CORO2A: variants seen among roughly 807,000 people sequenced by gnomAD.
The protein encoded by CORO2A is coronin-2A.
CORO2A carries 47 observed loss-of-function variants against 62.4 expected under a neutral mutation model. The observed-to-expected ratio is 0.75, with a 90% CI of 0.60 to 0.96. The LOEUF is 0.96. Ranked by LOEUF, CORO2A falls within the 40% of genes least tolerant of loss-of-function variation. The pLI, the probability that CORO2A is intolerant of heterozygous loss-of-function variation, is 0.00. For missense variants in CORO2A, 610 were observed against 684.1 expected, an observed-to-expected ratio of 0.89 and a Z score of 1.21; for synonymous variants, 273 against 268.9, an observed-to-expected ratio of 1.02 and a Z score of -0.15.
chr9:98,170,773 C>T (rs535893259), intron 1 of CORO2A, among the ~76,000 whole-genome samples: 20 of 152,200 alleles, frequency 1.3e-4, no homozygotes, highest in Non-Finnish European at 2.1e-4. Flanking sequence ...CAATTCGCTC[C>T]GTCACCTTGG....
At chr9:98,153,657 C>T (rs1588002815) in intron 2 of CORO2A, among the ~76,000 whole-genome samples, 1 of 147,424 alleles carries the variant, frequency 6.8e-6, no homozygotes, top group Non-Finnish European at 1.5e-5. Flanking sequence ...CAAACACACA[C>T]ACACACACAC....
intron 2 of CORO2A, among the ~76,000 whole-genome samples, chr9:98,152,376 A>G (rs1303035693): frequency 6.6e-6 from 1 of 151,408 alleles, no homozygotes; most frequent in Non-Finnish European, 1.5e-5. Flanking sequence ...AGCAGCCTTG[A>G]ACTCCTGGGC....
At chr9:98,156,150 T>C (rs138038622) in intron 2 of CORO2A, among the ~76,000 whole-genome samples, 90 of 150,568 alleles carry the variant, frequency 6.0e-4, no homozygotes, top group African/African-American at 1.9e-3. Context: ...TCAGGTAATC[T>C]GACCTCAGCC....
At chr9:98,177,445 G>A (rs998820738) in intron 1 of CORO2A, among the ~76,000 whole-genome samples, 6 of 148,306 alleles carry the variant, frequency 4.0e-5, no homozygotes, top group Non-Finnish European at 8.9e-5. Context: ...AGAGCAATGG[G>A]CTCCAAACTT....
Position 98,122,146 on chromosome 9 carries a change from G to A in CORO2A, c.*2628C>T, listed in dbSNP as rs1424105131. On this transcript the variant is annotated 3_prime_UTR_variant, in exon 12 of 12. Coordinates refer to ENST00000375077, the MANE Select transcript of CORO2A (RefSeq NM_052820.4). The stretch of plus-strand genomic sequence containing the variant: ...CTTCTGGACTTTTAAGGAGCCACCA[G>A]GCAGGACTTAAGAGATCTGGGTTGA... 1 of 152,162 alleles carries A rather than the reference G, an allele frequency of 6.6e-6. No individual in the cohort carries two copies. Among genetic ancestry groups the A allele is most frequent in the East Asian group, 1.9e-4 (1 of 5,194 alleles). 9.4% of individuals were successfully genotyped at this position (152,162 alleles called of 1,614,324 possible).
Position 98,124,661 on chromosome 9 carries a change from TG to T in CORO2A, c.*112del. On this transcript the variant is annotated 3_prime_UTR_variant, in exon 12 of 12. Coordinates refer to ENST00000375077, the MANE Select transcript of CORO2A (RefSeq NM_052820.4). ...TTCAGCGATGGAGAGTTTTGTTTTC[TG>T]GTAAAAAATATAGAAATAGTGGTTG... 8.8e-7 allele frequency: 1 copy of T among 1,134,934 alleles called. No individual in the cohort carries two copies. Among genetic ancestry groups the T allele is most frequent in the Non-Finnish European group, 1.2e-6 (1 of 858,382 alleles). The allele number at this position is 1,134,934 out of a possible 1,614,324, so 70.3% of individuals were successfully genotyped here.
chr9:98,126,439 C>T, intron 11 of CORO2A, 110 bp downstream of exon 11: 1 of 1,419,630 alleles, frequency 7.0e-7, no homozygotes, highest in South Asian at 1.3e-5. Flanking sequence ...CCAGGCCACA[C>T]AGCTGGTTAT....
At chr9:98,125,809 C>A (rs1827308832) in intron 11 of CORO2A, among the ~76,000 whole-genome samples, 1 of 148,942 alleles carries the variant, frequency 6.7e-6, no homozygotes, top group African/African-American at 2.5e-5. Flanking sequence ...CCTCTGCCTC[C>A]TGGGTTCAAG....
chr9:98,139,684 T>C (rs1361432088), intron 2 of CORO2A, among the ~76,000 whole-genome samples: 2 of 152,050 alleles, frequency 1.3e-5, no homozygotes, highest in African/African-American at 4.8e-5. Flanking sequence ...TAGTTCCAGC[T>C]ACTTGGGAGG....
In CORO2A at chr9:98,156,049, A is replaced by ATTTTTT. The variant is rs56931336; in HGVS notation, c.201+1405_201+1410dup. ...GTTTATTCTGCTGCTCTTTGTTTGA[A>ATTTTTT]TTTTTTTTTTTTTTTTTTTGAGACA... is the stretch of plus-strand genomic sequence containing the variant. On this transcript the variant is annotated intron_variant, in intron 2 of 11. Coordinates refer to ENST00000375077, the MANE Select transcript of CORO2A (RefSeq NM_052820.4). 2.3e-3 allele frequency among the ~76,000 whole-genome samples: 274 copies of ATTTTTT among 119,022 alleles called. 8 individuals are homozygous for ATTTTTT. The East Asian group carries it at 0.037, about 16-fold the overall frequency. The allele number at this position is 119,022 out of a possible 152,430, so 78.1% of individuals were successfully genotyped here. A position where few individuals can be genotyped will look rare whatever the true frequency, so the allele number is the denominator to read the frequency against.
intron 2 of CORO2A, among the ~76,000 whole-genome samples, chr9:98,140,637 G>T (rs1313650300): frequency 1.3e-5 from 2 of 152,126 alleles, no homozygotes; most frequent in East Asian, 3.9e-4. Context: ...TAGAGATGGG[G>T]TCTTGCTATG....
At chr9:98,190,399 TGC>T (rs1828292254) in intron 1 of CORO2A, among the ~76,000 whole-genome samples, 1 of 152,212 alleles carries the variant, frequency 6.6e-6, no homozygotes, top group Non-Finnish European at 1.5e-5. Flanking sequence ...TTTTTATTTT[TGC>T]TAATTTTACA....
At chr9:98,141,340 C>CCAACGCTTAAGG (rs1197375783) in intron 2 of CORO2A, among the ~76,000 whole-genome samples, 3 of 103,542 alleles carry the variant, frequency 2.9e-5, no homozygotes, top group Non-Finnish European at 6.4e-5. Context: ...CTCCATGGGA[C>CCAACGCTTAAGG]CACTGACCCT....
intron 3 of CORO2A, 82 bp downstream of exon 3, chr9:98,137,490 G>T: frequency 8.8e-7 from 1 of 1,135,268 alleles, no homozygotes; most frequent in Non-Finnish European, 1.3e-6. Flanking sequence ...GGGCACCAGA[G>T]CCAAGAACAG....
At position 98,126,675 on chromosome 9, in the gene CORO2A, C is replaced by T. The variant is rs1306288788; in HGVS notation, c.1320G>A (p.Arg440=). Residue 440 remains arginine, a synonymous_variant, in exon 11 of 12, where the codon AGG becomes AGA. Transcript: ENST00000375077. ...TCTTCTCCTCCAACAGGGAGGAAGA[C>T]CTCCAGCCATCTTCTGCAGCCAGCT... ...TEKLAAEDGW[R]SSSLLEEKMP... 6.2e-7 allele frequency: 1 copy of T among 1,614,148 alleles called. No individual in the cohort carries two copies. The highest frequency in any genetic ancestry group is 1.3e-5 in the African/African-American group (1 of 74,942).
chr9:98,126,050 T>G (rs2118786817), intron 11 of CORO2A, among the ~76,000 whole-genome samples: 1 of 146,160 alleles, frequency 6.8e-6, no homozygotes, highest in Admixed American at 6.9e-5. Context: ...TTTTTTTTTT[T>G]TTTAAGATGG....
At position 98,169,203 on chromosome 9, in the gene CORO2A, C is replaced by T. The variant is rs182000466; in HGVS notation, c.1-11543G>A. 1.2e-3 allele frequency among the ~76,000 whole-genome samples: 189 copies of T among 152,016 alleles called. 1 individual carries two copies. The highest frequency in any genetic ancestry group is 4.4e-3 in the African/African-American group (181 of 41,308). Reference sequence around the variant, plus strand: ...CCCGTCCTCAGGTTTCCGCCTTCCCCGCCCCCGCGCCGCCCATCCTTCTGG... The same window carrying T: ...CCCGTCCTCAGGTTTCCGCCTTCCCTGCCCCCGCGCCGCCCATCCTTCTGG... On this transcript the variant is annotated intron_variant, in intron 1 of 11. Transcript: ENST00000375077.
chr9:98,141,381 T>G (rs1827565273), intron 2 of CORO2A, among the ~76,000 whole-genome samples: 1 of 145,178 alleles, frequency 6.9e-6, no homozygotes, highest in African/African-American at 2.6e-5. Context: ...ACATGGAGTC[T>G]CGTCTTGTTG....
At chr9:98,162,334 G>C (rs145700474) in intron 1 of CORO2A, among the ~76,000 whole-genome samples, 14 of 152,338 alleles carry the variant, frequency 9.2e-5, no homozygotes, top group African/African-American at 1.4e-4. Flanking sequence ...CCACTCTACA[G>C]AGAAGGAAAA....
Sources: gnomAD v4.1 joint callset for allele counts (sites outside exome capture counted in the v4.1 genomes callset) on GRCh38, gnomAD v4.1.1 for gene constraint, MANE v1.5 for transcripts, NCBI Gene and HGNC (gene_info 2026-07-23, HGNC 2026-07-21) for gene names.